Variants in NCOR2 observed in about 807,000 individuals in gnomAD.
NCOR2 encodes the protein CTG repeat protein 26.
In NCOR2, 81 loss-of-function variants were observed where a neutral mutation model predicts 262.9. The ratio of observed to expected loss-of-function variants is 0.31; its 90% CI spans 0.26 to 0.37. The LOEUF (loss-of-function observed/expected upper bound fraction) is 0.37. Among genes scored for constraint, NCOR2 ranks in the 10% least tolerant of loss-of-function variants. The pLI, the probability that NCOR2 is intolerant of heterozygous loss-of-function variation, is 1.00. For missense variants in NCOR2, 3,385 were observed against 3,621.4 expected (o/e 0.93, Z 1.68); for synonymous variants, 1,659 against 1,559.3 (o/e 1.06, Z -1.51).
At chr12:124,512,418 TC>T (rs754003540) in intron 1 of NCOR2, among the ~76,000 whole-genome samples, 17 of 152,216 alleles carry the variant, frequency 1.1e-4, no homozygotes, top group Admixed American at 3.3e-4. Flanking sequence ...TCTTGCTCTC[TC>T]CTCTTCTGTC....
chr12:124,495,497 C>T (rs961357177), upstream of NCOR2: 5 of 570,592 alleles, frequency 8.8e-6, no homozygotes, highest in African/African-American at 9.5e-5. The surrounding 1 kb of genome is among the most constrained non-coding windows in gnomAD (Gnocchi z 4.4). Flanking sequence ...CCTGGACCCT[C>T]CTCCATCCAC....
Position 124,334,406 on chromosome 12 carries a change from C to A in NCOR2, c.6605+18G>T. ...CCCGCCGGCTGACCAGCAAGAGGCA[C>A]CCCCATCCCTCGCTCACCTCTTGCC... On this transcript the variant is annotated intron_variant, in intron 41 of 46. Transcript: ENST00000405201. 4.6e-6 allele frequency: 7 copies of A among 1,519,396 alleles called. No homozygotes were observed. The highest frequency in any genetic ancestry group is 5.4e-5 in the East Asian group (2 of 36,924). The allele number at this position is 1,519,396 out of a possible 1,614,324, so 94.1% of individuals were successfully genotyped here.
chr12:124,557,082 G>A (rs2051908004), intron 1 of NCOR2, among the ~76,000 whole-genome samples: 1 of 152,212 alleles, frequency 6.6e-6, no homozygotes, highest in African/African-American at 2.4e-5. Context: ...GCCCAGGTAG[G>A]GAATCAGCTT....
chr12:124,431,421 C>G (rs1323027483), intron 8 of NCOR2, among the ~76,000 whole-genome samples: 1 of 150,620 alleles, frequency 6.6e-6, no homozygotes, highest in Non-Finnish European at 1.5e-5. Context: ...GACAGACAGA[C>G]AGACACACAG....
At chr12:124,429,899 C>T (rs529323986) in intron 9 of NCOR2, among the ~76,000 whole-genome samples, 193 bp from the exon 12 acceptor site, 1 of 152,228 alleles carries the variant, frequency 6.6e-6, no homozygotes, top group African/African-American at 2.4e-5. Context: ...AAGGCCAAAC[C>T]CTGTGACATG....
intron 1 of NCOR2, among the ~76,000 whole-genome samples, chr12:124,511,891 C>A (rs1446518209): frequency 6.6e-6 from 1 of 152,168 alleles, no homozygotes; most frequent in Non-Finnish European, 1.5e-5. Context: ...TGACCACAAA[C>A]CAGGAAACTT....
At chr12:124,364,886 T>C (rs1272688836) in intron 20 of NCOR2, among the ~76,000 whole-genome samples, 2 of 152,062 alleles carry the variant, frequency 1.3e-5, no homozygotes, top group African/African-American at 4.8e-5. Context: ...CAGCCCGGCC[T>C]GCATTTGGGG....
At chr12:124,486,706 G>C (rs1262429329) in intron 1 of NCOR2, 138 bp from the exon 4 acceptor site, 4 of 1,103,958 alleles carry the variant, frequency 3.6e-6, no homozygotes, top group Non-Finnish European at 5.0e-6. Context: ...AGTCCTGCAG[G>C]GAACCTCAGG....
intron 1 of NCOR2, among the ~76,000 whole-genome samples, chr12:124,550,006 C>T (rs574756686): frequency 5.3e-5 from 8 of 152,362 alleles, no homozygotes; most frequent in East Asian, 1.9e-4. Flanking sequence ...GATCCTGTAT[C>T]GCAGGGGTCT....
At chr12:124,429,880 C>T (rs143966847) in intron 9 of NCOR2, among the ~76,000 whole-genome samples, 174 bp from the exon 12 acceptor site, 7 of 152,350 alleles carry the variant, frequency 4.6e-5, no homozygotes, top group Non-Finnish European at 1.0e-4. Context: ...GCCCCCACCC[C>T]AACCCAGCAA....
intron 4 of NCOR2, among the ~76,000 whole-genome samples, chr12:124,470,017 T>G (rs1368151312): frequency 6.6e-6 from 1 of 151,724 alleles, no homozygotes; most frequent in Non-Finnish European, 1.5e-5. Context: ...AACACAAAAA[T>G]TAGCTCGGTG....
chr12:124,340,504 T>C, intron 35 of NCOR2, 61 bp from the exon 38 acceptor site: 1 of 1,583,094 alleles, frequency 6.3e-7, no homozygotes, highest in Non-Finnish European at 8.6e-7. Context: ...GGCTTTGTCT[T>C]CTGGGGTGGG....
chr12:124,333,863 T>C (rs1217853681), intron 41 of NCOR2, among the ~76,000 whole-genome samples: 3 of 124,552 alleles, frequency 2.4e-5, no homozygotes, highest in African/African-American at 6.0e-5. Flanking sequence ...TGCATGTGTG[T>C]GTGCGCATGT....
chr12:124,448,001 CTT>C (rs932503313), intron 7 of NCOR2, among the ~76,000 whole-genome samples: 1 of 152,222 alleles, frequency 6.6e-6, no homozygotes, highest in Non-Finnish European at 1.5e-5. Flanking sequence ...CTGACATTCT[CTT>C]GTTTTGTTTA....
At position 124,400,752 on chromosome 12, in the gene NCOR2, T is replaced by C. The variant is rs2041948293; in HGVS notation, c.1641-79A>G. ...CAGCCACTGGAGGAGACTGTTTCTTTAGCTGGATTTGCACTGGCTGCCAGC... is the reference window on the plus strand; with the variant it reads ...CAGCCACTGGAGGAGACTGTTTCTTCAGCTGGATTTGCACTGGCTGCCAGC... On this transcript the variant is annotated intron_variant, in intron 14 of 46. Coordinates refer to ENST00000405201, the Ensembl canonical transcript of NCOR2. The C allele has an allele frequency of 3.2e-6, 5 of 1,539,682 alleles. No homozygotes were observed. In the East Asian group the frequency reaches 1.1e-4, roughly 35 times the overall value.
chr12:124,451,847 C>T (rs2045564284), intron 6 of NCOR2, among the ~76,000 whole-genome samples: 1 of 151,914 alleles, frequency 6.6e-6, no homozygotes, highest in African/African-American at 2.4e-5. Flanking sequence ...AGACCCCCGC[C>T]CACCCATCCC....
At chr12:124,487,681 C>T (rs989033448) in intron 1 of NCOR2, among the ~76,000 whole-genome samples, 1 of 152,254 alleles carries the variant, frequency 6.6e-6, no homozygotes, top group Admixed American at 6.5e-5. Flanking sequence ...AGCCTGGTCT[C>T]TCTCCCTTAT....
intron 5 of NCOR2, 66 bp downstream of exon 7, chr12:124,466,107 G>C: frequency 7.0e-7 from 1 of 1,430,226 alleles, no homozygotes; most frequent in Non-Finnish European, 9.6e-7. Context: ...CCTGATTCAT[G>C]GTGCCCCCTG....
At chr12:124,560,014 A>G (rs1375817608) in intron 1 of NCOR2, among the ~76,000 whole-genome samples, 1 of 152,234 alleles carries the variant, frequency 6.6e-6, no homozygotes, top group Non-Finnish European at 1.5e-5. Context: ...ACAGCAAATT[A>G]TAACCATGAG....
Sources: allele counts gnomAD v4.1 joint callset (sites outside exome capture counted in the v4.1 genomes callset), GRCh38; gene constraint gnomAD v4.1.1; non-coding constraint Gnocchi (gnomAD v3.1); transcripts MANE v1.5; gene names NCBI Gene and HGNC (gene_info 2026-07-23, HGNC 2026-07-21).